Variants in CDH13 observed in about 807,000 individuals in gnomAD.
CDH13 encodes the protein cadherin 13.
A neutral mutation model predicts 63.8 loss-of-function variants in CDH13; 24 were observed. The observed-to-expected ratio is 0.38, with a 90% CI of 0.27 to 0.53. The LOEUF (loss-of-function observed/expected upper bound fraction) is 0.53. Ranked by LOEUF, CDH13 falls within the 20% of genes least tolerant of loss-of-function variation. The probability of loss-of-function intolerance (pLI) is 0.85; values close to 1 mark genes in which losing one functional copy is unlikely to be tolerated. For synonymous variants in CDH13, 503 were observed against 355.3 expected (o/e 1.42, Z -4.67); for missense variants, 1,049 against 903.1 (o/e 1.16, Z -2.07).
At chr16:83,296,004 G>A (rs2089587481) in intron 5 of CDH13, among the ~76,000 whole-genome samples, 1 of 152,108 alleles carries the variant, frequency 6.6e-6, no homozygotes, top group Non-Finnish European at 1.5e-5. Flanking sequence ...GCCTATTGAT[G>A]TTTCAGAGAA....
intron 1 of CDH13, among the ~76,000 whole-genome samples, chr16:82,851,120 T>C (rs1473394931): frequency 6.6e-6 from 1 of 152,136 alleles, no homozygotes; most frequent in Non-Finnish European, 1.5e-5. Flanking sequence ...AAGTCTAGGA[T>C]GTTGGTTCAA....
intron 2 of CDH13, among the ~76,000 whole-genome samples, chr16:82,886,683 T>A (rs1390105841): frequency 1.3e-5 from 2 of 152,150 alleles, no homozygotes; most frequent in East Asian, 3.9e-4. Flanking sequence ...GGACACCGGC[T>A]CCATGCACTG....
chr16:83,652,501 A>G (rs1567484287), intron 8 of CDH13, among the ~76,000 whole-genome samples: 1 of 152,226 alleles, frequency 6.6e-6, no homozygotes, highest in East Asian at 1.9e-4. Flanking sequence ...GCAACACCCC[A>G]TGGAAATTGG....
chr16:82,958,832 C>T (rs1906516924), intron 2 of CDH13, among the ~76,000 whole-genome samples: 1 of 152,254 alleles, frequency 6.6e-6, no homozygotes, highest in African/African-American at 2.4e-5. Context: ...CAAAGGCCTT[C>T]AAGTGCATTC....
At chr16:83,441,399 T>C (rs2072476267) in intron 6 of CDH13, among the ~76,000 whole-genome samples, 2 of 152,270 alleles carry the variant, frequency 1.3e-5, no homozygotes, top group Admixed American at 6.5e-5. Flanking sequence ...TATATCTATG[T>C]TAAATGTATG....
chr16:83,162,764 A>G (rs2037501975), intron 4 of CDH13, among the ~76,000 whole-genome samples: 1 of 152,120 alleles, frequency 6.6e-6, no homozygotes, highest in Non-Finnish European at 1.5e-5. Flanking sequence ...GATTAGTCCA[A>G]AATCTGTATT....
intron 7 of CDH13, among the ~76,000 whole-genome samples, chr16:83,505,872 A>G (rs2074384031): frequency 6.6e-6 from 1 of 152,170 alleles, no homozygotes; most frequent in African/African-American, 2.4e-5. Flanking sequence ...GTGATTATTA[A>G]AAGCAGCCTC....
intron 2 of CDH13, among the ~76,000 whole-genome samples, chr16:82,901,532 A>G (rs898305132): frequency 6.6e-6 from 1 of 152,126 alleles, no homozygotes; most frequent in Non-Finnish European, 1.5e-5. Context: ...AGATCAAAGA[A>G]TGAATGAAAC....
intron 5 of CDH13, among the ~76,000 whole-genome samples, chr16:83,251,673 T>G (rs1178108502): frequency 2.0e-5 from 3 of 152,244 alleles, no homozygotes; most frequent in African/African-American, 7.2e-5. Flanking sequence ...GGCGTAGGCC[T>G]TCGTTGACAA....
chr16:83,058,406 G>T (rs1177429728), intron 3 of CDH13, among the ~76,000 whole-genome samples: 1 of 152,212 alleles, frequency 6.6e-6, no homozygotes, highest in Non-Finnish European at 1.5e-5. Context: ...GCGGTTTGGT[G>T]TTCCTATGTT....
At chr16:83,431,137 G>A (rs2072090446) in intron 6 of CDH13, among the ~76,000 whole-genome samples, 2 of 150,052 alleles carry the variant, frequency 1.3e-5, no homozygotes, top group African/African-American at 2.4e-5. Context: ...TCCCTACAAA[G>A]GACGTGAACT....
chr16:83,688,700 G>T (rs1470662520), intron 10 of CDH13, among the ~76,000 whole-genome samples: 1 of 152,126 alleles, frequency 6.6e-6, no homozygotes, highest in Non-Finnish European at 1.5e-5. Context: ...TTACAGTGGT[G>T]TCTTTGTAAT....
At chr16:83,123,160 ATGTGTGTGTGTATATATGTTTTTG>A (rs1420785969) in intron 3 of CDH13, among the ~76,000 whole-genome samples, 3 of 151,658 alleles carry the variant, frequency 2.0e-5, no homozygotes, top group African/African-American at 7.3e-5. Context: ...GTGTATGAGT[ATGTGTGTGTGTATATATGTTTTTG>A]TGTGTGTACA....
intron 1 of CDH13, among the ~76,000 whole-genome samples, chr16:82,643,913 A>T (rs982167038): frequency 1.9e-4 from 10 of 51,328 alleles, no homozygotes; most frequent in African/African-American, 3.8e-4. Flanking sequence ...GGCCCAGTTA[A>T]TTAAAAAAAA....
At chr16:83,502,424 G>C (rs1212532441) in intron 7 of CDH13, among the ~76,000 whole-genome samples, 1 of 152,112 alleles carries the variant, frequency 6.6e-6, no homozygotes, top group Non-Finnish European at 1.5e-5. Context: ...AAATTCAGAA[G>C]GATTGCAGCT....
At chr16:83,618,217 G>A (rs1909467142) in intron 8 of CDH13, among the ~76,000 whole-genome samples, 1 of 152,102 alleles carries the variant, frequency 6.6e-6, no homozygotes. Flanking sequence ...CTAAGCTCAG[G>A]AGTTCAAGAC....
intron 4 of CDH13, among the ~76,000 whole-genome samples, chr16:83,168,316 A>G (rs771556209): frequency 2.0e-5 from 3 of 152,100 alleles, no homozygotes; most frequent in African/African-American, 7.2e-5. Flanking sequence ...GCCATCCATT[A>G]TATAATATAG....
chr16:83,150,372 C>T (rs1422778492), intron 4 of CDH13, among the ~76,000 whole-genome samples: 1 of 152,294 alleles, frequency 6.6e-6, no homozygotes, highest in Non-Finnish European at 1.5e-5. Flanking sequence ...TCCCTACCCA[C>T]TTTTCTCTCC....
In CDH13 at chr16:83,045,634, T is replaced by TAAAAAAAAAAAAAAAAAAAAAAAAAAA. The variant is rs71382861; in HGVS notation, c.366+13441_366+13442insAAAAAAAAAAAAAAAAAAAAAAAAAAA. Among the ~76,000 whole-genome samples, 6 of 107,914 alleles carry TAAAAAAAAAAAAAAAAAAAAAAAAAAA rather than the reference T, an allele frequency of 5.6e-5. 1 individual carries two copies. Among genetic ancestry groups the TAAAAAAAAAAAAAAAAAAAAAAAAAAA allele is most frequent in the African/African-American group, 1.8e-4 (5 of 27,076 alleles). The allele number at this position is 107,914 out of a possible 152,430, so 70.8% of individuals were successfully genotyped here. A position where few individuals can be genotyped will look rare whatever the true frequency, so the allele number is the denominator to read the frequency against. On this transcript the variant is annotated intron_variant, in intron 3 of 13. Transcript: ENST00000567109. ...TCTGGGCGACAGATCAAGATTCCTT[T>TAAAAAAAAAAAAAAAAAAAAAAAAAAA]AAAAAAAAAAAAAAAAAAAAAAAAA...
Sources: gnomAD v4.1 joint callset for allele counts (sites outside exome capture counted in the v4.1 genomes callset) on GRCh38, gnomAD v4.1.1 for gene constraint, MANE v1.5 for transcripts, NCBI Gene and HGNC (gene_info 2026-07-23, HGNC 2026-07-21) for gene names.